Variants in LLGL2 observed in about 807,000 individuals in gnomAD.
The protein encoded by LLGL2 is LLGL2, scribble cell polarity complex component.
LLGL2 carries 81 observed loss-of-function variants against 123.2 expected under a neutral mutation model. That is an observed-to-expected ratio of 0.66 (90% CI 0.55 to 0.79). LLGL2 has a LOEUF of 0.79. Among genes scored for constraint, LLGL2 ranks in the 30% least tolerant of loss-of-function variants. The pLI, the probability that LLGL2 is intolerant of heterozygous loss-of-function variation, is 0.00. For missense variants in LLGL2, 1,273 were observed against 1,414.6 expected (o/e 0.90, Z 1.61); for synonymous variants, 577 against 594.1 (o/e 0.97, Z 0.42).
rs1598592201 is a variant in LLGL2, at chr17:75,558,117, T to G, written c.174-38T>G. The G allele has an allele frequency of 6.3e-7, 1 of 1,596,242 alleles. No homozygotes were observed. Among genetic ancestry groups the G allele is most frequent in the Non-Finnish European group, 8.6e-7 (1 of 1,164,246 alleles). ...GGCACTCAAGGCAGGCAGGGGATGG[T>G]GTCCGACCTTCCAGAGCTTTCCTGA... is the stretch of plus-strand genomic sequence containing the variant. On this transcript the variant is annotated intron_variant, in intron 3 of 25. Transcript: ENST00000392550. The surrounding 1 kb of genome is among the most constrained non-coding windows in gnomAD (Gnocchi z 4.0).
chr17:75,573,530 C>G lies in LLGL2; in HGVS notation c.2775C>G (p.Thr925=), dbSNP rs368925383. 57 of 1,612,818 alleles carry G rather than the reference C, an allele frequency of 3.5e-5. No individual in the cohort carries two copies. In the African/African-American group the frequency reaches 5.1e-4, roughly 14 times the overall value. The change falls in exon 21 of 26, where the codon ACC becomes ACG. Residue 925 remains threonine, a synonymous_variant. Transcript: ENST00000392550. The part of the protein sequence containing the change: ...PSEFERFSLS[T]KWLVEPRCLV... Reference sequence around the variant, plus strand: ...AGTTTGAGCGCTTCTCTCTCTCCACCAAGTGGCTGGTGGAGCCCCGGTGTC... The same window carrying G: ...AGTTTGAGCGCTTCTCTCTCTCCACGAAGTGGCTGGTGGAGCCCCGGTGTC...
At chr17:75,534,831 A>G (rs1185477253) in intron 1 of LLGL2, among the ~76,000 whole-genome samples, 1 of 152,236 alleles carries the variant, frequency 6.6e-6, no homozygotes, top group Non-Finnish European at 1.5e-5. Context: ...TGAATCGATC[A>G]CTTCATAAGT....
At chr17:75,570,875 A>T in intron 16 of LLGL2, 75 bp from the exon 17 acceptor site, 5 of 1,509,064 alleles carry the variant, frequency 3.3e-6, no homozygotes, top group Non-Finnish European at 3.6e-6. Flanking sequence ...CGATGCAAGG[A>T]TCAGCACTGA....
intron 1 of LLGL2, among the ~76,000 whole-genome samples, chr17:75,540,928 A>G (rs1598529145): frequency 1.3e-5 from 2 of 152,146 alleles, no homozygotes; most frequent in South Asian, 4.1e-4. Flanking sequence ...GCTGGGGTTT[A>G]GGGAGGATTT....
chr17:75,570,044 G>A lies in LLGL2; in HGVS notation c.1663G>A (p.Gly555Ser). The A allele has an allele frequency of 2.5e-6, 4 of 1,612,726 alleles. No homozygotes were observed. Among genetic ancestry groups the A allele is most frequent in the Non-Finnish European group, 3.4e-6 (4 of 1,179,842 alleles). Residue 555 changes from glycine to serine, a missense_variant, in exon 15 of 26, where the codon GGC becomes AGC. By Grantham distance (56) the Gly-to-Ser change is moderately conservative. Transcript: ENST00000392550. ...GGCCGACCTGCTGCAGGACCAAGAG[G>A]GCTACCGCTGGAAGGGGCACGAGCG... ...VEADLLQDQE[G>S]YRWKGHERLA...
chr17:75,533,853 G>A (rs1166557614), intron 1 of LLGL2: 2 of 152,222 alleles, frequency 1.3e-5, no homozygotes, highest in Admixed American at 6.5e-5. Context: ...GGTTAGAGTG[G>A]GCCTCTGCCA....
intron 6 of LLGL2, chr17:75,562,142 T>A (rs2055248664): frequency 6.6e-6 from 1 of 152,144 alleles, no homozygotes; most frequent in Non-Finnish European, 1.5e-5. Context: ...GTTTTTTTGT[T>A]GGCTGCAACA....
chr17:75,530,181 C>A (rs1032828588), intron 1 of LLGL2, among the ~76,000 whole-genome samples: 8 of 152,166 alleles, frequency 5.3e-5, no homozygotes, highest in African/African-American at 1.9e-4. Context: ...CTCTGGAAAT[C>A]AGCTGACGGC....
At chr17:75,560,814 A>AC (rs2055175250) in intron 6 of LLGL2, among the ~76,000 whole-genome samples, 2 of 124,690 alleles carry the variant, frequency 1.6e-5, no homozygotes, top group South Asian at 2.3e-4. Context: ...AAAAAAAAAA[A>AC]AAAAAAAAAA....
chr17:75,560,856 G>A (rs1258690126), intron 6 of LLGL2, among the ~76,000 whole-genome samples: 4 of 136,250 alleles, frequency 2.9e-5, no homozygotes, highest in African/African-American at 1.1e-4. Flanking sequence ...TTTTTTTTGA[G>A]AGAGTCTTAC....
At chr17:75,541,334 GCCCTCCAGGAGTCCAA>G (rs1319377396) in intron 1 of LLGL2, among the ~76,000 whole-genome samples, 1 of 152,262 alleles carries the variant, frequency 6.6e-6, no homozygotes, top group African/African-American at 2.4e-5. Flanking sequence ...GGGGGTGTGA[GCCCTCCAGGAGTCCAA>G]CTGGTTTATG....
In LLGL2 at chr17:75,559,259, C is replaced by A. The variant is rs769847017; in HGVS notation, c.379C>A (p.Pro127Thr). 6.2e-7 allele frequency: 1 copy of A among 1,603,962 alleles called. No homozygotes were observed. The highest frequency in any genetic ancestry group is 8.5e-7 in the Non-Finnish European group (1 of 1,175,586). Reference sequence around the variant, plus strand: ...CAGCTGTTCTTGTCACAGGGCTGCCCCCAGTGCCACACAGATCACCGTGGT... The same window carrying A: ...CAGCTGTTCTTGTCACAGGGCTGCCACCAGTGCCACACAGATCACCGTGGT... ...FTLRGPPGAA[P>T]SATQITVVLP... The change falls in exon 6 of 26, where the codon CCC becomes ACC. Residue 127 changes from proline to threonine, a missense_variant. Physicochemically the swap from Pro to Thr is conservative, Grantham distance 38. Coordinates refer to ENST00000392550, the MANE Select transcript of LLGL2 (RefSeq NM_001031803.2). This position sits in a 1 kb window ranked among gnomAD's most constrained non-coding sequence, Gnocchi z 4.6.
intron 1 of LLGL2, among the ~76,000 whole-genome samples, chr17:75,527,664 C>T (rs2053621082): frequency 2.0e-5 from 3 of 151,412 alleles, no homozygotes; most frequent in Non-Finnish European, 4.4e-5. Context: ...GGGATCTCAC[C>T]ATATGTTGCC....
At position 75,558,377 on chromosome 17, in the gene LLGL2, T is replaced by TCCA; in HGVS notation, c.256-133_256-131dup. ...GGAAAGACCTGGGACCCCCTCCCTT[T>TCCA]CCACAGCTGGGGCTCATGGGCCACC... is the stretch of plus-strand genomic sequence containing the variant. On this transcript the variant is annotated intron_variant, in intron 4 of 25. Transcript: ENST00000392550. This position sits in a 1 kb window ranked among gnomAD's most constrained non-coding sequence, Gnocchi z 4.0. 8.7e-7 allele frequency: 1 copy of TCCA among 1,150,538 alleles called. No individual in the cohort carries two copies. Among genetic ancestry groups the TCCA allele is most frequent in the Non-Finnish European group, 1.2e-6 (1 of 816,108 alleles). The allele number at this position is 1,150,538 out of a possible 1,614,324, so 71.3% of individuals were successfully genotyped here.
At chr17:75,535,817 G>C (rs1206529213) in intron 1 of LLGL2, among the ~76,000 whole-genome samples, 3 of 152,220 alleles carry the variant, frequency 2.0e-5, no homozygotes, top group African/African-American at 2.4e-5. Flanking sequence ...GAGCTCTCCT[G>C]TTCTTTCCAA....
Position 75,569,078 on chromosome 17 carries a change from C to T in LLGL2, c.1423C>T (p.Pro475Ser). The change falls in exon 13 of 26, where the codon CCC (proline) becomes TCC (serine). Residue 475 changes from proline (P) to serine (S), a missense_variant. Transcript: ENST00000392550. ...GCGCGTGTTCCTCACCGACACGGACCCCAACGAGAACTTCAGTGCCCAGGG... is the reference window on the plus strand; with the variant it reads ...GCGCGTGTTCCTCACCGACACGGACTCCAACGAGAACTTCAGTGCCCAGGG... ...TVRVFLTDTD[P>S]NENFSAQGED... 6.2e-7 allele frequency: 1 copy of T among 1,613,236 alleles called. No individual in the cohort carries two copies. Among genetic ancestry groups the T allele is most frequent in the Non-Finnish European group, 8.5e-7 (1 of 1,179,774 alleles).
chr17:75,550,804 A>C (rs2054637410), intron 2 of LLGL2, among the ~76,000 whole-genome samples: 2 of 121,648 alleles, frequency 1.6e-5, no homozygotes, highest in South Asian at 4.9e-4. Flanking sequence ...AAAAAAAAAA[A>C]CACACACACA....
At position 75,559,654 on chromosome 17, in the gene LLGL2, T is replaced by C. The variant is rs1214926641; in HGVS notation, c.530+244T>C. On this transcript the variant is annotated intron_variant, in intron 6 of 25. Transcript: ENST00000392550. The surrounding 1 kb of genome is among the most constrained non-coding windows in gnomAD (Gnocchi z 4.6). ...CCCTCGTCTAAAGGCCCCAAATGACTGTGTAATGTCACCGACTGTCAGTCC... is the reference window on the plus strand; with the variant it reads ...CCCTCGTCTAAAGGCCCCAAATGACCGTGTAATGTCACCGACTGTCAGTCC... 6.6e-6 allele frequency among the ~76,000 whole-genome samples: 1 copy of C among 152,240 alleles called. No individual in the cohort carries two copies. The highest frequency in any genetic ancestry group is 1.5e-5 in the Non-Finnish European group (1 of 68,046).
At position 75,568,651 on chromosome 17, in the gene LLGL2, C is replaced by T. The variant is rs767452053; in HGVS notation, c.1212C>T (p.Ile404=). 2 of 1,613,740 alleles carry T rather than the reference C, an allele frequency of 1.2e-6. No individual in the cohort carries two copies. Among genetic ancestry groups the T allele is most frequent in the South Asian group, 2.2e-5 (2 of 91,084 alleles). The change falls in exon 11 of 26, where the codon ATC becomes ATT. Residue 404 remains isoleucine (I), a synonymous_variant. Transcript: ENST00000392550. ...SNIPLKLWER[I]IAAGSRQNAH... is the part of the protein sequence containing the mutation. Reference sequence around the variant, plus strand: ...TCCCGCTGAAGCTGTGGGAGCGGATCATTGCCGCCGGCAGCCGGCAGAACG... The same window carrying T: ...TCCCGCTGAAGCTGTGGGAGCGGATTATTGCCGCCGGCAGCCGGCAGAACG...
Sources: gnomAD v4.1 joint callset for allele counts (sites outside exome capture counted in the v4.1 genomes callset) on GRCh38, gnomAD v4.1.1 for gene constraint, Gnocchi (gnomAD v3.1) non-coding constraint, MANE v1.5 for transcripts, NCBI Gene and HGNC (gene_info 2026-07-23, HGNC 2026-07-21) for gene names.